Variants in TCAF1 observed in about 807,000 individuals in gnomAD.
TCAF1 encodes the protein TRPM8 channel associated factor 1, also known as TRPM8 channel-associated factor 1.
In TCAF1, 4 loss-of-function variants were observed where a neutral mutation model predicts 27.3. The ratio of observed to expected loss-of-function variants is 0.15; its 90% CI spans 0.07 to 0.34. The LOEUF is 0.34. TCAF1 is among the 10% of genes least tolerant of loss of function. The probability of loss-of-function intolerance (pLI) is 1.00; values close to 1 mark genes in which losing one functional copy is unlikely to be tolerated. For synonymous variants in TCAF1, 105 were observed against 167.1 expected (o/e 0.63, Z 2.87); for missense variants, 257 against 425.8 (o/e 0.60, Z 3.49).
intron 1 of TCAF1, among the ~76,000 whole-genome samples, chr7:143,899,659 C>A (rs1438011924): frequency 6.6e-6 from 1 of 152,012 alleles, no homozygotes; most frequent in Non-Finnish European, 1.5e-5. Context: ...TTGATAGAAA[C>A]AGAGAAAGAA....
At chr7:143,884,010 T>C (rs187369366) in intron 1 of TCAF1, among the ~76,000 whole-genome samples, 2 of 152,318 alleles carry the variant, frequency 1.3e-5, no homozygotes, top group Admixed American at 6.5e-5. Context: ...AATTCCTCTG[T>C]GCCTCAGTGT....
chr7:143,894,912 A>G (rs189229814), intron 1 of TCAF1, among the ~76,000 whole-genome samples: 94 of 151,868 alleles, frequency 6.2e-4, no homozygotes, highest in Middle Eastern at 6.8e-3. Context: ...CCCCAAATAG[A>G]CAAAATACAT....
At chr7:143,883,957 A>G (rs1813251960) in intron 1 of TCAF1, among the ~76,000 whole-genome samples, 1 of 152,214 alleles carries the variant, frequency 6.6e-6, no homozygotes, top group African/African-American at 2.4e-5. Flanking sequence ...TTCAAATCCC[A>G]GAGCTACACT....
intron 1 of TCAF1, among the ~76,000 whole-genome samples, chr7:143,889,661 A>C (rs193241952): frequency 2.6e-5 from 4 of 152,374 alleles, no homozygotes; most frequent in Non-Finnish European, 4.4e-5. Flanking sequence ...AAGCAAAAGC[A>C]GATGGGTCAA....
intron 2 of TCAF1, among the ~76,000 whole-genome samples, chr7:143,875,370 G>C (rs1812637754): frequency 6.6e-6 from 1 of 152,172 alleles, no homozygotes; most frequent in Non-Finnish European, 1.5e-5. Flanking sequence ...AGTGCAGTGA[G>C]AGCAAAGCAG....
At chr7:143,869,275 G>A (rs1812324920) in intron 2 of TCAF1, among the ~76,000 whole-genome samples, 2 of 149,884 alleles carry the variant, frequency 1.3e-5, no homozygotes, top group East Asian at 4.0e-4. Flanking sequence ...CCAAAGTGCT[G>A]GGATCACAGG....
chr7:143,871,358 C>G (rs1406970715), intron 2 of TCAF1, among the ~76,000 whole-genome samples: 2 of 142,536 alleles, frequency 1.4e-5, no homozygotes, highest in Non-Finnish European at 3.1e-5. Flanking sequence ...TCAAAAAATA[C>G]TGACTATAAA....
chr7:143,879,707 G>C (rs894894089), intron 1 of TCAF1, among the ~76,000 whole-genome samples: 6 of 152,058 alleles, frequency 3.9e-5, no homozygotes, highest in African/African-American at 1.4e-4. Context: ...ATGTTTCCTA[G>C]AACCATTTTT....
In TCAF1 at chr7:143,885,125, C is replaced by G. The variant is rs112573700; in HGVS notation, c.-14-8503G>C. On this transcript the variant is annotated intron_variant, in intron 1 of 8. Coordinates refer to ENST00000479870, the MANE Select transcript of TCAF1 (RefSeq NM_014719.3). ...CCTCCTTCTCCCACCCGCACCTCAG[C>G]GGACTGCATCGGGAGCCGCCCCTGA... The G allele has an allele frequency of 2.8e-5, 28 of 985,544 alleles. No homozygotes were observed. The African/African-American group carries it at 3.8e-4, about 13-fold the overall frequency. The allele number at this position is 985,544 out of a possible 1,614,324, so 61.0% of individuals were successfully genotyped here.
At chr7:143,882,709 G>A in intron 1 of TCAF1, 10 of 984,656 alleles carry the variant, frequency 1.0e-5, no homozygotes, top group Non-Finnish European at 1.2e-5. Flanking sequence ...TCTCCAGCCT[G>A]CCAGGCTTTT....
intron 1 of TCAF1, among the ~76,000 whole-genome samples, chr7:143,878,560 C>T (rs1812847780): frequency 6.6e-6 from 1 of 152,042 alleles, no homozygotes. Flanking sequence ...TATTAATTTC[C>T]CTCTAAGTGA....
At chr7:143,859,995 T>TATAA (rs1367913993) in intron 6 of TCAF1, among the ~76,000 whole-genome samples, 2 of 11,696 alleles carry the variant, frequency 1.7e-4, no homozygotes, top group Non-Finnish European at 6.2e-4. Flanking sequence ...ATAATATATA[T>TATAA]TATATAATAT....
At chr7:143,894,984 A>G (rs1287310829) in intron 1 of TCAF1, among the ~76,000 whole-genome samples, 1 of 151,858 alleles carries the variant, frequency 6.6e-6, no homozygotes, top group African/African-American at 2.4e-5. Flanking sequence ...AAGATGCTTA[A>G]TATAATTAGT....
At chr7:143,867,599 G>A (rs1206037497) in intron 2 of TCAF1, among the ~76,000 whole-genome samples, 26 of 136,874 alleles carry the variant, frequency 1.9e-4, no homozygotes, top group Non-Finnish European at 3.2e-4. Flanking sequence ...CCTTAATACT[G>A]TCTATTGAAC....
intron 2 of TCAF1, among the ~76,000 whole-genome samples, chr7:143,867,444 C>CA (rs1312775006): frequency 2.6e-5 from 4 of 151,320 alleles, no homozygotes; most frequent in Admixed American, 2.0e-4. Context: ...GACCCTGTCT[C>CA]AAAAAACAAA....
In TCAF1 at chr7:143,852,129, CATGA is replaced by C. The variant is rs1479794642; in HGVS notation, c.*2000_*2003del. 1.3e-5 allele frequency: 2 copies of C among 151,180 alleles called. No homozygotes were observed. The highest frequency in any genetic ancestry group is 3.0e-5 in the Non-Finnish European group (2 of 67,780). 9.4% of individuals were successfully genotyped at this position (151,180 alleles called of 1,614,324 possible). A position where few individuals can be genotyped will look rare whatever the true frequency, so the allele number is the denominator to read the frequency against. Reference sequence around the variant, plus strand: ...ACCTATCAAGCCTCTTCTTATTCTTCATGAATAACTCAAAATCATGCCTCATTTT... The same window carrying C: ...ACCTATCAAGCCTCTTCTTATTCTTCATAACTCAAAATCATGCCTCATTTT... On this transcript the variant is annotated 3_prime_UTR_variant, in exon 9 of 9. Coordinates refer to ENST00000479870, the MANE Select transcript of TCAF1 (RefSeq NM_014719.3).
chr7:143,895,032 C>G lies in TCAF1; in HGVS notation c.-15+6929G>C, dbSNP rs944768580. ...ACAAATTAAAACCATAATAAGATAC[C>G]TATATCCATTTCACGTGGCTAAAAT... On this transcript the variant is annotated intron_variant, in intron 1 of 8. Transcript: ENST00000479870. 4.0e-5 allele frequency among the ~76,000 whole-genome samples: 6 copies of G among 151,734 alleles called. No homozygotes were observed. The South Asian group carries it at 8.3e-4, about 21-fold the overall frequency.
intron 1 of TCAF1, among the ~76,000 whole-genome samples, chr7:143,887,516 C>T (rs1457519520): frequency 4.6e-5 from 7 of 152,164 alleles, no homozygotes; most frequent in East Asian, 1.9e-4. Context: ...TATTTTGCAA[C>T]GCAAAATAAG....
Position 143,876,113 on chromosome 7 carries a change from C to T in TCAF1, c.496G>A (p.Val166Ile). Reference sequence around the variant, plus strand: ...AGGTTCCCAGGGAACGTGAACAGAACCCTTTCATCCTCCCCCTGGTTGGCC... The same window carrying T: ...AGGTTCCCAGGGAACGTGAACAGAATCCTTTCATCCTCCCCCTGGTTGGCC... ...DWANQGEDER[V>I]LFTFPGNLVT... Residue 166 changes from valine (V) to isoleucine (I), a missense_variant, in exon 2 of 9, where the codon GTT (valine) becomes ATT (isoleucine). Transcript: ENST00000479870. The T allele has an allele frequency of 6.2e-7, 1 of 1,614,204 alleles. No homozygotes were observed. Among genetic ancestry groups the T allele is most frequent in the Admixed American group, 1.7e-5 (1 of 60,034 alleles).
Sources: allele counts gnomAD v4.1 joint callset (sites outside exome capture counted in the v4.1 genomes callset), GRCh38; gene constraint gnomAD v4.1.1; transcripts MANE v1.5; gene names NCBI Gene and HGNC (gene_info 2026-07-23, HGNC 2026-07-21).